BCAR3: variants seen among roughly 807,000 people sequenced by gnomAD.
BCAR3 encodes the protein breast cancer anti-estrogen resistance protein 3.
BCAR3 carries 37 observed loss-of-function variants against 80.1 expected under a neutral mutation model. The ratio of observed to expected loss-of-function variants is 0.46; its 90% CI spans 0.36 to 0.61. The LOEUF (loss-of-function observed/expected upper bound fraction) is 0.61. BCAR3 is among the 20% of genes least tolerant of loss of function. The pLI, the probability that BCAR3 is intolerant of heterozygous loss-of-function variation, is 0.00. For synonymous variants in BCAR3, 389 were observed against 418.9 expected (o/e 0.93, Z 0.87); for missense variants, 978 against 1,068.2 (o/e 0.92, Z 1.18).
intron 2 of BCAR3, among the ~76,000 whole-genome samples, chr1:93,643,490 G>A (rs1289039429): frequency 3.9e-5 from 5 of 128,942 alleles, no homozygotes; most frequent in South Asian, 5.1e-4. Context: ...AGGTTGCAAT[G>A]AGCCAAGATC....
At chr1:93,573,031 T>G (rs142041226) in intron 8 of BCAR3, among the ~76,000 whole-genome samples, 2 of 152,334 alleles carry the variant, frequency 1.3e-5, no homozygotes, top group East Asian at 3.9e-4. Context: ...GGTACCTAAC[T>G]GCTCCACTCC....
At chr1:93,758,501 C>T (rs1288402248) in intron 2 of BCAR3, among the ~76,000 whole-genome samples, 1 of 152,220 alleles carries the variant, frequency 6.6e-6, no homozygotes, top group Non-Finnish European at 1.5e-5. Context: ...CTGGAAAACA[C>T]CCCTAATCGG....
chr1:93,790,638 T>TTTTC, intron 2 of BCAR3, among the ~76,000 whole-genome samples: 1 of 108,588 alleles, frequency 9.2e-6, no homozygotes, highest in African/African-American at 5.0e-5. Context: ...GTATTCATTT[T>TTTTC]TTTTTTTTCT....
At chr1:93,567,231 C>CAATT (rs1557833559) in intron 11 of BCAR3, 48 bp downstream of exon 11, 1 of 1,589,100 alleles carries the variant, frequency 6.3e-7, no homozygotes, top group Admixed American at 1.7e-5. Flanking sequence ...TCCTTCATTT[C>CAATT]AATTACGATA....
At chr1:93,594,017 C>T (rs556492034) in intron 3 of BCAR3, among the ~76,000 whole-genome samples, 2 of 152,156 alleles carry the variant, frequency 1.3e-5, no homozygotes, top group African/African-American at 4.8e-5. Context: ...TGACACCGTC[C>T]GCTCCCATCA....
chr1:93,784,887 C>G (rs1311285781), intron 2 of BCAR3, among the ~76,000 whole-genome samples: 1 of 152,234 alleles, frequency 6.6e-6, no homozygotes, highest in African/African-American at 2.4e-5. Context: ...GACGTTGGTG[C>G]TCCCTGTATG....
chr1:93,829,100 C>A (rs995904732), intron 2 of BCAR3, among the ~76,000 whole-genome samples: 1 of 152,150 alleles, frequency 6.6e-6, no homozygotes, highest in Non-Finnish European at 1.5e-5. Flanking sequence ...GAAAGCAGGT[C>A]ACCCAAAAGA....
At chr1:93,719,434 G>A (rs1259106598) in intron 2 of BCAR3, among the ~76,000 whole-genome samples, 2 of 127,658 alleles carry the variant, frequency 1.6e-5, no homozygotes, top group East Asian at 2.4e-4. Context: ...TCTGCCTCCC[G>A]GGTTCACATC....
intron 2 of BCAR3, among the ~76,000 whole-genome samples, chr1:93,808,516 T>C (rs963543390): frequency 6.6e-6 from 1 of 152,096 alleles, no homozygotes; most frequent in African/African-American, 2.4e-5. Flanking sequence ...AATCGATGTA[T>C]AAATTAAGAA....
At chr1:93,840,085 G>T (rs12144176) in intron 2 of BCAR3, among the ~76,000 whole-genome samples, 1 of 152,052 alleles carries the variant, frequency 6.6e-6, no homozygotes, top group African/African-American at 2.4e-5. Context: ...TGATGCCAGG[G>T]TCCCATCCCC....
chr1:93,644,372 T>C (rs1676086435), intron 2 of BCAR3, among the ~76,000 whole-genome samples: 1 of 152,142 alleles, frequency 6.6e-6, no homozygotes, highest in Non-Finnish European at 1.5e-5. Flanking sequence ...TTTCTATCAA[T>C]CCCCAGTCTT....
intron 2 of BCAR3, among the ~76,000 whole-genome samples, chr1:93,643,102 C>G (rs1353537941): frequency 6.6e-6 from 1 of 151,532 alleles, no homozygotes; most frequent in Non-Finnish European, 1.5e-5. Context: ...TGGCGCATGT[C>G]TGTAATCCCA....
chr1:93,814,229 A>C (rs1410072851), intron 2 of BCAR3, among the ~76,000 whole-genome samples: 1 of 152,210 alleles, frequency 6.6e-6, no homozygotes, highest in African/African-American at 2.4e-5. Context: ...CTTTTGGCTA[A>C]GATCAAGTGT....
At chr1:93,564,282 CTTTCTTTCTTT>C (rs1406982891) in intron 11 of BCAR3, among the ~76,000 whole-genome samples, 4 of 120,150 alleles carry the variant, frequency 3.3e-5, no homozygotes, top group African/African-American at 1.3e-4. Context: ...CTAAGAATTT[CTTTCTTTCTTT>C]TTTTTTTTTT....
intron 2 of BCAR3, among the ~76,000 whole-genome samples, chr1:93,654,136 C>T (rs1358743830): frequency 1.3e-5 from 2 of 152,124 alleles, no homozygotes; most frequent in Non-Finnish European, 2.9e-5. Context: ...CTAAGACAGC[C>T]CCCCAAAATT....
Position 93,725,844 on chromosome 1 carries a change from C to T in BCAR3, c.-62-19702G>A, listed in dbSNP as rs1650564172. 2.0e-5 allele frequency among the ~76,000 whole-genome samples: 3 copies of T among 152,106 alleles called. No individual in the cohort carries two copies. In the South Asian group the frequency reaches 6.2e-4, roughly 32 times the overall value. On this transcript the variant is annotated intron_variant, in intron 2 of 13. Coordinates refer to the BCAR3 transcript ENST00000370244. ...CCAATTATCATTACTTATTTACTAGCCCTTTCTTTTTCCAGGAATCGGCAG... is the reference window on the plus strand; with the variant it reads ...CCAATTATCATTACTTATTTACTAGTCCTTTCTTTTTCCAGGAATCGGCAG...
At chr1:93,806,394 A>C (rs918571761) in intron 2 of BCAR3, among the ~76,000 whole-genome samples, 2 of 152,232 alleles carry the variant, frequency 1.3e-5, no homozygotes, top group African/African-American at 4.8e-5. Flanking sequence ...GCTGGATAGG[A>C]CTAACATGGA....
chr1:93,654,820 C>T (rs982304851), intron 2 of BCAR3, among the ~76,000 whole-genome samples: 3 of 152,290 alleles, frequency 2.0e-5, no homozygotes, highest in South Asian at 2.1e-4. Flanking sequence ...CCACCTCCTC[C>T]GAGAGACCTT....
At chr1:93,681,364 C>A (rs1485566749) in intron 1 of BCAR3, 1 of 152,136 alleles carries the variant, frequency 6.6e-6, no homozygotes, top group Non-Finnish European at 1.5e-5. Flanking sequence ...GGAGTCCCAG[C>A]GCGCTCGGAG....
Sources: gnomAD v4.1 joint callset for allele counts (sites outside exome capture counted in the v4.1 genomes callset) on GRCh38, gnomAD v4.1.1 for gene constraint, MANE v1.5 for transcripts, NCBI Gene and HGNC (gene_info 2026-07-23, HGNC 2026-07-21) for gene names.